The following RIC3 variants were observed in gnomAD, a reference collection of about 807,000 sequenced individuals.
The protein encoded by RIC3 is RIC3 acetylcholine receptor chaperone.
Under a neutral mutation model 27.3 loss-of-function variants are expected in RIC3, and 28 were observed. That is an observed-to-expected ratio of 1.02 (90% CI 0.76 to 1.41). The LOEUF (loss-of-function observed/expected upper bound fraction) is 1.41, where lower values mean the gene tolerates loss of function less well. Among genes scored for constraint, RIC3 ranks in the 40% most tolerant of loss-of-function variants. The probability of loss-of-function intolerance (pLI) is 0.00; values close to 1 mark genes in which losing one functional copy is unlikely to be tolerated. For synonymous variants in RIC3, 184 were observed against 160.4 expected (o/e 1.15, Z -1.11); for missense variants, 501 against 444.7 (o/e 1.13, Z -1.14).
chr11:8,127,015 G>C, intron 4 of RIC3: 1 of 611,356 alleles, frequency 1.6e-6, no homozygotes. Flanking sequence ...TTAAAGCCCA[G>C]AATAGATCAA....
downstream of RIC3, chr11:8,104,580 T>G (rs1259830350): frequency 6.6e-6 from 1 of 152,216 alleles, no homozygotes; most frequent in Non-Finnish European, 1.5e-5. Context: ...TGTCCATTCA[T>G]CTCATGCTCT....
chr11:8,138,154 G>T (rs1236199120), intron 3 of RIC3, 118 bp downstream of exon 3: 2 of 665,354 alleles, frequency 3.0e-6, no homozygotes, highest in Non-Finnish European at 5.1e-6. Flanking sequence ...AATGGCATCA[G>T]ATTAATTTGG....
chr11:8,144,355 A>C (rs1318039536), intron 1 of RIC3, among the ~76,000 whole-genome samples: 3 of 150,730 alleles, frequency 2.0e-5, no homozygotes, highest in African/African-American at 7.4e-5. Context: ...CAACCCCATC[A>C]AAAAGTGGGT....
At chr11:8,139,821 G>A (rs895898018) in intron 2 of RIC3, 146 bp downstream of exon 2, 2 of 703,256 alleles carry the variant, frequency 2.8e-6, no homozygotes, top group African/African-American at 3.6e-5. Context: ...GCTATCCTAA[G>A]TACCTCATGA....
At chr11:8,128,609 G>A (rs1294563506) in intron 4 of RIC3, among the ~76,000 whole-genome samples, 1 of 152,046 alleles carries the variant, frequency 6.6e-6, no homozygotes, top group African/African-American at 2.4e-5. Flanking sequence ...CAACAGTATA[G>A]ACACAATGCC....
chr11:8,113,070 T>C (rs1945447078), intron 5 of RIC3, among the ~76,000 whole-genome samples: 1 of 152,248 alleles, frequency 6.6e-6, no homozygotes, highest in African/African-American at 2.4e-5. Flanking sequence ...ATTTTGCCAA[T>C]GCAGTCTTTA....
chr11:8,101,211 C>T (rs77691463), downstream of RIC3, among the ~76,000 whole-genome samples: 14 of 152,296 alleles, frequency 9.2e-5, no homozygotes, highest in East Asian at 5.8e-4. Flanking sequence ...GTGTATTCAA[C>T]GGAGTCTCAG....
rs1254186486 is a variant in RIC3 at position 8,111,123 on chromosome 11, T to C, written c.685A>G (p.Thr229Ala). The change falls in exon 6 of 6, where the codon ACT becomes GCT. Residue 229 changes from threonine to alanine, a missense_variant. Thr to Ala is a moderately conservative substitution (Grantham distance 58, BLOSUM62 0). Coordinates refer to ENST00000309737, the MANE Select transcript of RIC3 (RefSeq NM_001206671.4). Reference sequence around the variant, plus strand: ...TCTGAAAGGTCATAAATTGGGTAAGTCTCTTCAGGGTAACCTAGAGAGAAA... The same window carrying C: ...TCTGAAAGGTCATAAATTGGGTAAGCCTCTTCAGGGTAACCTAGAGAGAAA... Reference protein sequence around the residue: ...MEDWEGYPEETYPIYDLSDCI... With the variant: ...MEDWEGYPEEAYPIYDLSDCI... 6.2e-7 allele frequency: 1 copy of C among 1,601,924 alleles called. No individual in the cohort carries two copies. The highest frequency in any genetic ancestry group is 8.5e-7 in the Non-Finnish European group (1 of 1,171,096).
At chr11:8,123,139 T>C (rs1456989015) in intron 5 of RIC3, among the ~76,000 whole-genome samples, 1 of 150,936 alleles carries the variant, frequency 6.6e-6, no homozygotes, top group South Asian at 2.1e-4. Flanking sequence ...GAAGAAGACA[T>C]CAATAAACCT....
the RIC3 span, chr11:8,093,987 G>T: frequency 1.2e-6 from 2 of 1,605,736 alleles, no homozygotes; most frequent in Non-Finnish European, 8.5e-7. Context: ...TCAGGTGGGA[G>T]CTCTGGTCTC....
Position 8,169,022 on chromosome 11 carries a change from A to G in RIC3, c.-33T>C. ...CACGGTGGTCGCAGGTGCAGACGCC[A>G]GCCGGAACCGGAACCGGAACCGGAG... On this transcript the variant is annotated 5_prime_UTR_variant, in exon 1 of 6. Transcript: ENST00000309737. 1 of 1,537,304 alleles carries G rather than the reference A, an allele frequency of 6.5e-7. No homozygotes were observed. Among genetic ancestry groups the G allele is most frequent in the Non-Finnish European group, 8.7e-7 (1 of 1,150,568 alleles).
chr11:8,097,748 G>C, the RIC3 span: 1 of 1,614,124 alleles, frequency 6.2e-7, no homozygotes, highest in Non-Finnish European at 8.5e-7. Context: ...AGAAAGAAGA[G>C]TAAAACTTCC....
At chr11:8,149,179 C>CTG (rs1445018166) in intron 1 of RIC3, among the ~76,000 whole-genome samples, 2 of 150,566 alleles carry the variant, frequency 1.3e-5, no homozygotes, top group African/African-American at 4.9e-5. Context: ...GGTGACAGAG[C>CTG]GAGACTCTTG....
At chr11:8,136,420 G>T (rs1948430996) in intron 4 of RIC3, among the ~76,000 whole-genome samples, 1 of 152,194 alleles carries the variant, frequency 6.6e-6, no homozygotes, top group Non-Finnish European at 1.5e-5. Context: ...ATCCTTGCCA[G>T]AAGACCTAGC....
At chr11:8,112,546 C>T (rs4331082) in intron 5 of RIC3, among the ~76,000 whole-genome samples, 38,786 of 152,082 alleles carry the variant, frequency 0.26, 5,045 homozygotes, top group East Asian at 0.44. Flanking sequence ...CCACCCACCT[C>T]GGTCTTCCAA....
chr11:8,141,590 C>A (rs1177414398), intron 1 of RIC3, among the ~76,000 whole-genome samples: 29 of 150,934 alleles, frequency 1.9e-4, no homozygotes, highest in Non-Finnish European at 3.6e-4. Flanking sequence ...GAGACTTTAA[C>A]ACCCCACTGT....
intron 5 of RIC3, among the ~76,000 whole-genome samples, chr11:8,116,705 A>C (rs1195087382): frequency 2.0e-5 from 3 of 152,240 alleles, no homozygotes; most frequent in Admixed American, 6.5e-5. Context: ...TTTAAACCAC[A>C]ATATCACCAC....
At chr11:8,152,658 T>G (rs1337312917) in intron 1 of RIC3, among the ~76,000 whole-genome samples, 1 of 152,170 alleles carries the variant, frequency 6.6e-6, no homozygotes, top group Non-Finnish European at 1.5e-5. Flanking sequence ...AAATTGACTG[T>G]AGTGATAGTT....
At chr11:8,163,735 T>C (rs7358396) in intron 1 of RIC3, among the ~76,000 whole-genome samples, 51,929 of 151,550 alleles carry the variant, frequency 0.34, 9,189 homozygotes, top group East Asian at 0.5. Flanking sequence ...TGTTCATAGA[T>C]TGAAAGATTT....
Sources: allele counts gnomAD v4.1 joint callset (sites outside exome capture counted in the v4.1 genomes callset), GRCh38; gene constraint gnomAD v4.1.1; transcripts MANE v1.5; gene names NCBI Gene and HGNC (gene_info 2026-07-23, HGNC 2026-07-21).